Variants in BCAN observed in about 807,000 individuals in gnomAD.
BCAN encodes the protein brevican.
Under a neutral mutation model 92.4 loss-of-function variants are expected in BCAN, and 51 were observed. That is an observed-to-expected ratio of 0.55 (90% CI 0.44 to 0.70). BCAN has a LOEUF of 0.70. Ranked by LOEUF, BCAN falls within the 30% of genes least tolerant of loss-of-function variation. The pLI is 0.00. For synonymous variants in BCAN, 501 were observed against 505.2 expected (o/e 0.99, Z 0.11); for missense variants, 1,140 against 1,212.1 (o/e 0.94, Z 0.88).
Position 156,658,416 on chromosome 1 carries a change from C to T in BCAN, c.2438-127C>T, listed in dbSNP as rs754555304. 40 of 1,455,592 alleles carry T rather than the reference C, an allele frequency of 2.7e-5. No individual in the cohort carries two copies. The highest frequency in any genetic ancestry group is 4.7e-5 in the East Asian group (2 of 42,436). The allele number at this position is 1,455,592 out of a possible 1,614,324, so 90.2% of individuals were successfully genotyped here. A position where few individuals can be genotyped will look rare whatever the true frequency, so the allele number is the denominator to read the frequency against. On this transcript the variant is annotated intron_variant, in intron 12 of 13. Coordinates refer to ENST00000329117, the MANE Select transcript of BCAN (RefSeq NM_021948.5). This position sits in a 1 kb window ranked among gnomAD's most constrained non-coding sequence, Gnocchi z 4.4. ...AGACCATGGGAGAGCTAACAAGTTACGTGGGTCCACTCGGAATCCCTGATC... is the reference window on the plus strand; with the variant it reads ...AGACCATGGGAGAGCTAACAAGTTATGTGGGTCCACTCGGAATCCCTGATC...
In BCAN at chr1:156,659,121, T is replaced by A. The variant is rs1679443529; in HGVS notation, c.2723T>A (p.Met908Lys). Residue 908 changes from methionine to lysine, a missense_variant, in exon 14 of 14, where the codon ATG becomes AAG. Around this residue, in one of 3 missense-constraint regions of BCAN, gnomAD observed 825 missense variants for 871.8 expected, o/e 0.95. Coordinates refer to ENST00000329117, the MANE Select transcript of BCAN (RefSeq NM_021948.5). ...KALLIPPSSP[M>K]PGP ...CTGTTGATCCCCCCTTCCAGCCCCA[T>A]GCCAGGTCCCTAGGGGGCAAGGCCT... The A allele has an allele frequency of 6.3e-7, 1 of 1,578,186 alleles. No homozygotes were observed. The highest frequency in any genetic ancestry group is 1.3e-5 in the African/African-American group (1 of 74,564).
intron 1 of BCAN, chr1:156,644,927 A>G (rs1183639848): frequency 1.3e-5 from 2 of 152,266 alleles, no homozygotes; most frequent in South Asian, 4.1e-4. Context: ...GTTTAGCCCA[A>G]CCCTTAAAGA....
chr1:156,647,472 T>C lies in BCAN; in HGVS notation c.467-36T>C. On this transcript the variant is annotated intron_variant, in intron 3 of 13. Transcript: ENST00000329117. This position sits in a 1 kb window ranked among gnomAD's most constrained non-coding sequence, Gnocchi z 4.8. ...GGTGAGGGGAGGCCAGCGTGCTGGG[T>C]GCTCACCTGGCTCAGGGGTCCTCTC... 1 of 1,520,692 alleles carries C rather than the reference T, an allele frequency of 6.6e-7. No homozygotes were observed. The highest frequency in any genetic ancestry group is 8.8e-7 in the Non-Finnish European group (1 of 1,134,450). The allele number at this position is 1,520,692 out of a possible 1,614,324, so 94.2% of individuals were successfully genotyped here.
In BCAN at chr1:156,647,778, G is replaced by T; in HGVS notation, c.641+96G>T. Reference sequence around the variant, plus strand: ...CTGCCTGCTGTGTCAGGCTGGACATGCAGGGCTTTTTGCCTCTGGGGGATG... The same window carrying T: ...CTGCCTGCTGTGTCAGGCTGGACATTCAGGGCTTTTTGCCTCTGGGGGATG... On this transcript the variant is annotated intron_variant, in intron 4 of 13. Coordinates refer to ENST00000329117, the MANE Select transcript of BCAN (RefSeq NM_021948.5). This position sits in a 1 kb window ranked among gnomAD's most constrained non-coding sequence, Gnocchi z 4.8. 6.4e-7 allele frequency: 1 copy of T among 1,553,082 alleles called. No homozygotes were observed. The highest frequency in any genetic ancestry group is 1.2e-5 in the South Asian group (1 of 86,642).
rs1199036164 is a variant in BCAN, at chr1:156,656,875, C to G, written c.2051-63C>G. On this transcript the variant is annotated intron_variant, in intron 9 of 13. Transcript: ENST00000329117. ...TGCGGTAGTGGAAGGAGACCAGCCCCTTCCAGGGGACCTGGCCCTCTGGGT... is the reference window on the plus strand; with the variant it reads ...TGCGGTAGTGGAAGGAGACCAGCCCGTTCCAGGGGACCTGGCCCTCTGGGT... 1.9e-6 allele frequency: 3 copies of G among 1,581,712 alleles called. No individual in the cohort carries two copies. In the African/African-American group the frequency reaches 4.0e-5, roughly 21 times the overall value.
chr1:156,651,029 T>C (rs2102563179), intron 6 of BCAN, among the ~76,000 whole-genome samples: 1 of 152,312 alleles, frequency 6.6e-6, no homozygotes, highest in Non-Finnish European at 1.5e-5. Context: ...ATTTCATCCA[T>C]CCTGCTGGCT....
chr1:156,652,763 A>G lies in BCAN; in HGVS notation c.1813A>G (p.Arg605Gly). The G allele has an allele frequency of 6.2e-7, 1 of 1,610,396 alleles. No individual in the cohort carries two copies. Among genetic ancestry groups the G allele is most frequent in the Non-Finnish European group, 8.5e-7 (1 of 1,177,616 alleles). The change falls in exon 8 of 14, where the codon AGG becomes GGG. Residue 605 changes from arginine (R) to glycine (G), a missense_variant. Transcript: ENST00000329117. ...LPATRAPEGT[R>G]ELEAPSEDNS... ...AGCCACACGGGCCCCTGAGGGTACC[A>G]GGGAGCTGGAGGCCCCCTCTGAAGA...
At position 156,652,412 on chromosome 1, in the gene BCAN, A is replaced by G. The variant is rs1679195091; in HGVS notation, c.1462A>G (p.Ser488Gly). 8.1e-6 allele frequency: 13 copies of G among 1,606,842 alleles called. No homozygotes were observed. Among genetic ancestry groups the G allele is most frequent in the Non-Finnish European group, 1.1e-5 (13 of 1,176,324 alleles). Reference sequence around the variant, plus strand: ...GTGGGCATGGCCCAGCGAGCTCAGCAGCCCGGGCCCTGAGGCCTCTCTCCC... The same window carrying G: ...GTGGGCATGGCCCAGCGAGCTCAGCGGCCCGGGCCCTGAGGCCTCTCTCCC... ...ALWAWPSELS[S>G]PGPEASLPTE... The change falls in exon 8 of 14, where the codon AGC becomes GGC. Residue 488 changes from serine to glycine, a missense_variant. By Grantham distance (56) the Ser-to-Gly change is moderately conservative. Transcript: ENST00000329117.
Position 156,646,650 on chromosome 1 carries a change from A to ACCCTGGC in BCAN, c.92-130_92-124dup, listed in dbSNP as rs113490499. 5,874 of 1,185,820 alleles carry ACCCTGGC rather than the reference A, an allele frequency of 5.0e-3. 49 individuals are homozygous for ACCCTGGC. Among genetic ancestry groups the ACCCTGGC allele is most frequent in the Non-Finnish European group, 3.9e-3 (3,454 of 888,688 alleles). 73.5% of individuals were successfully genotyped at this position (1,185,820 alleles called of 1,614,324 possible). On this transcript the variant is annotated intron_variant, in intron 2 of 13. Transcript: ENST00000329117. ...GAGGACCTAGAGGTAGGGCTGCAGGACCCTGGCCCCTGGCCCCTGGCCCCT... is the reference window on the plus strand; with the variant it reads ...GAGGACCTAGAGGTAGGGCTGCAGGACCCTGGCCCCTGGCCCCTGGCCCCTGGCCCCT...
At position 156,657,008 on chromosome 1, in the gene BCAN, G is replaced by A. The variant is rs1557992524; in HGVS notation, c.2121G>A (p.Arg707=). The A allele has an allele frequency of 1.9e-6, 3 of 1,614,194 alleles. No individual in the cohort carries two copies. The highest frequency in any genetic ancestry group is 1.7e-6 in the Non-Finnish European group (2 of 1,180,032). The change falls in exon 10 of 14, where the codon AGG becomes AGA. Residue 707 remains arginine (R), a synonymous_variant. Coordinates refer to ENST00000329117, the MANE Select transcript of BCAN (RefSeq NM_021948.5). ...GACYKHFSTR[R]SWEEAETQCR... is the part of the protein sequence containing the mutation. ...GCTACAAGCACTTTTCCACACGAAG[G>A]AGCTGGGAGGAGGCAGAGACCCAGT...
In BCAN at chr1:156,642,743, G is replaced by A. The variant is rs1571433620; in HGVS notation, c.-9+468G>A. On this transcript the variant is annotated intron_variant, in intron 1 of 13. Coordinates refer to ENST00000329117, the MANE Select transcript of BCAN (RefSeq NM_021948.5). This position sits in a 1 kb window ranked among gnomAD's most constrained non-coding sequence, Gnocchi z 4.2. ...AGGACAGCCGATCAGAGCCGCTCTA[G>A]GGGGTGGTCGGAGTGCCCATTTCGG... is the stretch of plus-strand genomic sequence containing the variant. The A allele has an allele frequency of 6.6e-6, 1 of 152,306 alleles. No individual in the cohort carries two copies. Among genetic ancestry groups the A allele is most frequent in the East Asian group, 1.9e-4 (1 of 5,206 alleles). The allele number at this position is 152,306 out of a possible 1,614,324, so 9.4% of individuals were successfully genotyped here.
chr1:156,657,396 G>T (rs1679371785), intron 10 of BCAN: 2 of 549,410 alleles, frequency 3.6e-6, no homozygotes, highest in Non-Finnish European at 6.4e-6. Flanking sequence ...GACCTCCGTC[G>T]GCCTCCTCCA....
chr1:156,655,332 A>G (rs540810477), intron 8 of BCAN, among the ~76,000 whole-genome samples: 8 of 152,342 alleles, frequency 5.3e-5, no homozygotes, highest in African/African-American at 1.9e-4. Context: ...TCCAGGCAAC[A>G]GATTGCAGAC....
chr1:156,652,178 C>G (rs1557989578), intron 7 of BCAN, 70 bp from the exon 8 acceptor site: 1 of 1,520,970 alleles, frequency 6.6e-7, no homozygotes, highest in Non-Finnish European at 8.8e-7. Flanking sequence ...ACTTTTCTCC[C>G]CTTCCCTTTT....
chr1:156,657,310 G>T (rs1679368294), intron 10 of BCAN: 2 of 728,066 alleles, frequency 2.7e-6, no homozygotes, highest in East Asian at 2.8e-5. Context: ...GGAGGTTCGC[G>T]CAGTAGAGTG....
At chr1:156,652,169 C>T (rs1482653214) in intron 7 of BCAN, 79 bp from the exon 8 acceptor site, 2 of 1,514,680 alleles carry the variant, frequency 1.3e-6, no homozygotes, top group Non-Finnish European at 8.8e-7. Flanking sequence ...CTGAGCCCTA[C>T]TTTTCTCCCC....
intron 11 of BCAN, 24 bp downstream of exon 11, chr1:156,657,781 G>T: frequency 1.3e-6 from 2 of 1,594,760 alleles, no homozygotes; most frequent in African/African-American, 2.7e-5. Context: ...GTCGAACCCC[G>T]CCGTCTAGCT....
intron 11 of BCAN, 91 bp downstream of exon 11, chr1:156,657,848 C>A: frequency 8.7e-7 from 1 of 1,145,440 alleles, no homozygotes. Flanking sequence ...ACCCTGTCCC[C>A]TTCTTTTTCC....
rs1679281880 is a variant in BCAN at position 156,654,798 on chromosome 1, A to G, written c.1943-1484A>G. Among the ~76,000 whole-genome samples the G allele has an allele frequency of 1.3e-5, 2 of 152,202 alleles. 1 individual carries two copies. Among genetic ancestry groups the G allele is most frequent in the South Asian group, 4.1e-4 (2 of 4,826 alleles). ...TGGGGCCTGGTGCTTAATGGGTTAA[A>G]TGAAATACCTCTTCCTCTGGGGTTG... On this transcript the variant is annotated intron_variant, in intron 8 of 13. Coordinates refer to ENST00000329117, the MANE Select transcript of BCAN (RefSeq NM_021948.5).
Sources: gnomAD v4.1 joint callset for allele counts (sites outside exome capture counted in the v4.1 genomes callset) on GRCh38, gnomAD v4.1.1 for gene constraint, gnomAD v4.1.1 regional missense constraint, Gnocchi (gnomAD v3.1) non-coding constraint, MANE v1.5 for transcripts, NCBI Gene and HGNC (gene_info 2026-07-23, HGNC 2026-07-21) for gene names.